FAM184A: variants seen among roughly 807,000 people sequenced by gnomAD.
The protein encoded by FAM184A is protein FAM184A.
A neutral mutation model predicts 143.8 loss-of-function variants in FAM184A; 99 were observed. The ratio of observed to expected loss-of-function variants is 0.69; its 90% CI spans 0.58 to 0.81. The LOEUF is 0.81. Among genes scored for constraint, FAM184A ranks in the 40% least tolerant of loss-of-function variants. The pLI is 0.00. For synonymous variants in FAM184A, 427 were observed against 446.4 expected, an observed-to-expected ratio of 0.96 and a Z score of 0.55; for missense variants, 1,217 against 1,310.5, an observed-to-expected ratio of 0.93 and a Z score of 1.10.
At chr6:119,006,719 G>C (rs1302738031) in intron 6 of FAM184A, 111 bp from the exon 7 acceptor site, 1 of 823,332 alleles carries the variant, frequency 1.2e-6, no homozygotes, top group Admixed American at 3.1e-5. Flanking sequence ...CTGAATGGAT[G>C]ATTTCCTGAT....
At chr6:119,041,994 G>A (rs573046683) in intron 1 of FAM184A, among the ~76,000 whole-genome samples, 6 of 152,212 alleles carry the variant, frequency 3.9e-5, no homozygotes, top group African/African-American at 9.6e-5. Flanking sequence ...TCTTGGAAGC[G>A]GCCCGCCACC....
chr6:119,057,048 T>C (rs900197366), intron 1 of FAM184A, among the ~76,000 whole-genome samples: 1 of 152,234 alleles, frequency 6.6e-6, no homozygotes, highest in African/African-American at 2.4e-5. Flanking sequence ...CAGTAGGATA[T>C]AAATAATTCA....
At chr6:119,050,669 G>A (rs1023478237) in intron 1 of FAM184A, among the ~76,000 whole-genome samples, 2 of 152,132 alleles carry the variant, frequency 1.3e-5, no homozygotes, top group African/African-American at 2.4e-5. Flanking sequence ...AGCCGGGCGC[G>A]GTGGCGGGCG....
intron 2 of FAM184A, among the ~76,000 whole-genome samples, chr6:119,023,591 G>A (rs1785528858): frequency 8.9e-6 from 1 of 112,352 alleles, no homozygotes; most frequent in African/African-American, 3.4e-5. Context: ...ACCTCGCTAA[G>A]CTCACTCACC....
chr6:119,094,929 T>C (rs911859704), intron 1 of FAM184A, among the ~76,000 whole-genome samples: 1 of 151,816 alleles, frequency 6.6e-6, no homozygotes, highest in South Asian at 2.1e-4. Context: ...CTGGCTGGGG[T>C]TCTAATGGGG....
intron 5 of FAM184A, among the ~76,000 whole-genome samples, chr6:119,015,466 C>A (rs549247111): frequency 6.6e-6 from 1 of 152,192 alleles, no homozygotes; most frequent in Non-Finnish European, 1.5e-5. Flanking sequence ...GCTTAGCACC[C>A]GGGCCAGCGG....
intron 1 of FAM184A, among the ~76,000 whole-genome samples, chr6:119,109,538 C>A (rs900067672): frequency 6.6e-6 from 1 of 152,158 alleles, no homozygotes; most frequent in African/African-American, 2.4e-5. Flanking sequence ...TGGATGAATA[C>A]TTTAGCTATG....
intron 3 of FAM184A, among the ~76,000 whole-genome samples, chr6:119,021,645 A>G (rs574058904): frequency 2.0e-5 from 3 of 152,242 alleles, no homozygotes; most frequent in Admixed American, 2.0e-4. Context: ...AGGCCACTGC[A>G]CTCAAGCCTG....
chr6:119,090,185 A>T (rs904748038), intron 1 of FAM184A, among the ~76,000 whole-genome samples: 3 of 152,348 alleles, frequency 2.0e-5, no homozygotes, highest in African/African-American at 7.2e-5. Flanking sequence ...AAAGCCATTG[A>T]AGGACACATT....
chr6:119,091,723 T>C (rs190724826), intron 1 of FAM184A, among the ~76,000 whole-genome samples: 2 of 152,374 alleles, frequency 1.3e-5, no homozygotes, highest in Admixed American at 1.3e-4. Context: ...CTGTCCTCTC[T>C]GGAGGGAGGA....
rs7775026 is a variant in FAM184A, at chr6:119,089,210, T to A, written c.-202+59868A>T. Among the ~76,000 whole-genome samples the A allele has an allele frequency of 1.3e-3, 171 of 126,900 alleles. 2 individuals are homozygous for A. Among genetic ancestry groups the A allele is most frequent in the African/African-American group, 2.6e-3 (89 of 34,846 alleles). 83.3% of individuals were successfully genotyped at this position (126,900 alleles called of 152,430 possible). ...TCTTTATTTATTTATTTATTTATTT[T>A]TTTATTTTTTTGAGACAGAGTCTCA... is the stretch of plus-strand genomic sequence containing the variant. On this transcript the variant is annotated intron_variant, in intron 1 of 16. Transcript: ENST00000352896.
chr6:119,135,747 A>G (rs897305914), intron 1 of FAM184A, among the ~76,000 whole-genome samples: 11 of 152,194 alleles, frequency 7.2e-5, no homozygotes, highest in African/African-American at 9.6e-5. Context: ...AACTAGAATA[A>G]TAAGCTCAGA....
At chr6:118,966,694 T>C (rs542567542) in intron 15 of FAM184A, 141 bp downstream of exon 15, 3 of 429,762 alleles carry the variant, frequency 7.0e-6, no homozygotes, top group Non-Finnish European at 1.2e-5. Context: ...TTCATAAACA[T>C]TTCAATGAAC....
chr6:118,997,846 TA>T (rs1784619663), intron 9 of FAM184A, among the ~76,000 whole-genome samples: 1 of 152,166 alleles, frequency 6.6e-6, no homozygotes, highest in South Asian at 2.1e-4. Flanking sequence ...AGTTTTTCAG[TA>T]ACCATATTTA....
At position 119,103,788 on chromosome 6, in the gene FAM184A, A is replaced by G. The variant is rs13196453; in HGVS notation, c.-202+45290T>C. Among the ~76,000 whole-genome samples the G allele has an allele frequency of 7.3e-5, 11 of 151,418 alleles. 1 individual carries two copies. Among genetic ancestry groups the G allele is most frequent in the African/African-American group, 2.7e-4 (11 of 41,256 alleles). ...CTAAAAATACAAAAATTAGCCAGGC[A>G]TGGTGGCACGCACCTGTAGTCCCAG... On this transcript the variant is annotated intron_variant, in intron 1 of 16. Transcript: ENST00000352896.
chr6:119,112,796 A>G (rs1461375848), intron 1 of FAM184A, among the ~76,000 whole-genome samples: 1 of 152,232 alleles, frequency 6.6e-6, no homozygotes, highest in Non-Finnish European at 1.5e-5. Flanking sequence ...AATGAAATTG[A>G]GAAAGATAGT....
chr6:119,083,153 A>T (rs1256080248), upstream of FAM184A, among the ~76,000 whole-genome samples: 1 of 152,190 alleles, frequency 6.6e-6, no homozygotes, highest in Non-Finnish European at 1.5e-5. Flanking sequence ...CACGGCTGGG[A>T]TAAAAGGCAC....
chr6:119,077,587 G>A (rs879796681), intron 1 of FAM184A, among the ~76,000 whole-genome samples: 3 of 152,224 alleles, frequency 2.0e-5, no homozygotes, highest in African/African-American at 7.2e-5. Flanking sequence ...CACAGTGTGA[G>A]ATTCATCTAA....
At chr6:118,992,885 G>A (rs1332534304) in intron 9 of FAM184A, among the ~76,000 whole-genome samples, 3 of 152,098 alleles carry the variant, frequency 2.0e-5, no homozygotes, top group African/African-American at 7.2e-5. Context: ...AGCCATGACT[G>A]TACTACTGCA....
Sources: allele counts gnomAD v4.1 joint callset (sites outside exome capture counted in the v4.1 genomes callset), GRCh38; gene constraint gnomAD v4.1.1; transcripts MANE v1.5; gene names NCBI Gene and HGNC (gene_info 2026-07-23, HGNC 2026-07-21).